The following UEVLD variants were observed in gnomAD, a reference collection of about 807,000 sequenced individuals.
UEVLD encodes the protein ubiquitin-conjugating enzyme E2 variant 3.
Under a neutral mutation model 58.6 loss-of-function variants are expected in UEVLD, and 47 were observed. The observed-to-expected ratio is 0.80, with a 90% CI of 0.63 to 1.02. The LOEUF is 1.02. Among genes scored for constraint, UEVLD ranks in the 50% least tolerant of loss-of-function variants. The pLI, the probability that UEVLD is intolerant of heterozygous loss-of-function variation, is 0.00. For missense variants in UEVLD, 510 were observed against 550.6 expected, an observed-to-expected ratio of 0.93 and a Z score of 0.74; for synonymous variants, 197 against 195.3, an observed-to-expected ratio of 1.01 and a Z score of -0.07.
chr11:18,544,828 A>T, intron 8 of UEVLD, 32 bp from the exon 9 acceptor site: 1 of 1,476,798 alleles, frequency 6.8e-7, no homozygotes, highest in Non-Finnish European at 9.0e-7. Context: ...AAAAATGTAA[A>T]GGTTAAAAAA....
chr11:18,546,119 A>T (rs2133977482), intron 8 of UEVLD, among the ~76,000 whole-genome samples: 2 of 152,292 alleles, frequency 1.3e-5, no homozygotes, highest in South Asian at 4.1e-4. Flanking sequence ...AGCCCAGTAC[A>T]AACTAACTCT....
At chr11:18,558,647 G>A (rs117791292) in intron 6 of UEVLD, among the ~76,000 whole-genome samples, 1,951 of 151,946 alleles carry the variant, frequency 0.013, 18 homozygotes, top group Non-Finnish European at 0.021. Context: ...AGCCAGGCAT[G>A]GTGGCACATG....
At chr11:18,554,169 G>A (rs1204365153) in intron 7 of UEVLD, among the ~76,000 whole-genome samples, 2 of 151,998 alleles carry the variant, frequency 1.3e-5, no homozygotes, top group East Asian at 3.9e-4. Flanking sequence ...TCGGCTCAAT[G>A]CAACCTCTTC....
At chr11:18,548,646 C>T (rs1490995967) in intron 7 of UEVLD, among the ~76,000 whole-genome samples, 1 of 152,158 alleles carries the variant, frequency 6.6e-6, no homozygotes, top group East Asian at 1.9e-4. Flanking sequence ...AGGTTGGTCT[C>T]GAACTCCCAA....
At chr11:18,566,056 G>A (rs569942290) in intron 5 of UEVLD, among the ~76,000 whole-genome samples, 2 of 151,496 alleles carry the variant, frequency 1.3e-5, no homozygotes, top group East Asian at 3.9e-4. Flanking sequence ...CTGCCACCAC[G>A]CCCAGCTACT....
intron 1 of UEVLD, among the ~76,000 whole-genome samples, chr11:18,580,621 T>C (rs1274335354): frequency 6.8e-6 from 1 of 146,254 alleles, no homozygotes; most frequent in East Asian, 1.9e-4. Flanking sequence ...TGCCTGCCTC[T>C]GGTCTTGGAC....
rs540034170 is a variant in UEVLD, at chr11:18,581,487, C to T, written c.43-2679G>A. ...TCACTTGAGGTCAGGAGTTCGAGAA[C>T]AGACAGGCCAACATGGTGAAATCCC... On this transcript the variant is annotated intron_variant, in intron 1 of 11. Coordinates refer to ENST00000396197, the MANE Select transcript of UEVLD (RefSeq NM_001040697.4). 2.6e-5 allele frequency among the ~76,000 whole-genome samples: 4 copies of T among 152,122 alleles called. No homozygotes were observed. The East Asian group carries it at 7.7e-4, about 29-fold the overall frequency.
chr11:18,532,026 G>T lies in UEVLD; in HGVS notation c.*294C>A. 1 of 193,968 alleles carries T rather than the reference G, an allele frequency of 5.2e-6. No homozygotes were observed. The highest frequency in any genetic ancestry group is 1.0e-5 in the Non-Finnish European group (1 of 96,494). 12.0% of individuals were successfully genotyped at this position (193,968 alleles called of 1,614,324 possible). On this transcript the variant is annotated 3_prime_UTR_variant, in exon 12 of 12. Transcript: ENST00000396197. ...TCCCGAAGTATGAATTGTGCTTTTA[G>T]TTTAGGATATATGATTTAAATTGAT... is the stretch of plus-strand genomic sequence containing the variant.
rs1409636332 is a variant in UEVLD, at chr11:18,544,652, C to T, written c.1031G>A (p.Trp344Ter). The T allele has an allele frequency of 6.3e-7, 1 of 1,595,332 alleles. No homozygotes were observed. The highest frequency in any genetic ancestry group is 8.5e-7 in the Non-Finnish European group (1 of 1,173,848). ...GTCTTCTCCTTGCTCGCCAATAACC[C>T]ATACTTCTTTGCCTGAAGTCTGTGC... ...LKAQTSGKEV[W>*]VIGEQGEDKV... The change falls in exon 9 of 12, where the codon TGG (tryptophan) becomes TAG (stop). Residue 344 changes from tryptophan (W) to a stop codon, truncating the protein, a stop_gained. Coordinates refer to ENST00000396197, the MANE Select transcript of UEVLD (RefSeq NM_001040697.4). LOFTEE classifies it high-confidence loss of function.
chr11:18,563,638 C>A (rs1852148281), intron 6 of UEVLD: 6 of 967,102 alleles, frequency 6.2e-6, no homozygotes, highest in Non-Finnish European at 7.4e-6. Flanking sequence ...GATGAGAAAA[C>A]AAGCAACTTG....
chr11:18,574,692 C>A (rs904885938), intron 3 of UEVLD, among the ~76,000 whole-genome samples: 3 of 152,142 alleles, frequency 2.0e-5, no homozygotes, highest in Non-Finnish European at 4.4e-5. Flanking sequence ...TGCTAGGTCA[C>A]TCTAAAATGT....
chr11:18,558,495 A>G (rs1394875310), intron 6 of UEVLD, among the ~76,000 whole-genome samples, 165 bp from the exon 7 acceptor site: 1 of 152,170 alleles, frequency 6.6e-6, no homozygotes, highest in Non-Finnish European at 1.5e-5. Context: ...GCAAGCAAGA[A>G]ATTATTAACT....
intron 6 of UEVLD, among the ~76,000 whole-genome samples, chr11:18,564,658 T>C (rs1285760987): frequency 6.6e-6 from 1 of 152,224 alleles, no homozygotes; most frequent in Non-Finnish European, 1.5e-5. Flanking sequence ...CAAATTGAGC[T>C]TTCCCTTGGA....
intron 2 of UEVLD, among the ~76,000 whole-genome samples, chr11:18,577,112 G>A (rs930910020): frequency 1.3e-5 from 2 of 152,194 alleles, no homozygotes; most frequent in Admixed American, 6.5e-5. Flanking sequence ...GAACCTGGAA[G>A]GGGGAGGTTG....
In UEVLD at chr11:18,555,355, G is replaced by A. The variant is rs1028976261; in HGVS notation, c.715+2873C>T. 3.9e-5 allele frequency among the ~76,000 whole-genome samples: 6 copies of A among 152,102 alleles called. No individual in the cohort carries two copies. The East Asian group carries it at 1.2e-3, about 29-fold the overall frequency. The stretch of plus-strand genomic sequence containing the variant: ...GCGGGAGAATGGTGTGAACCCGGGA[G>A]GTGGAGCTTGCAGTGAGCCGAGATC... On this transcript the variant is annotated intron_variant, in intron 7 of 11. Transcript: ENST00000396197.
rs59340537 is a variant in UEVLD at position 18,539,074 on chromosome 11, GTT to G, written c.1061-2607_1061-2606del. Reference sequence around the variant, plus strand: ...AAGAAAAACAGAAAAAGTTTTATAAGTTTTTTTTTTTTTTTTTTTTTGAGACA... The same window carrying G: ...AAGAAAAACAGAAAAAGTTTTATAAGTTTTTTTTTTTTTTTTTTTGAGACA... On this transcript the variant is annotated intron_variant, in intron 9 of 11. Transcript: ENST00000396197. 305 of 71,378 alleles carry G rather than the reference GTT, an allele frequency of 4.3e-3. 2 individuals carry two copies. The highest frequency in any genetic ancestry group is 0.016 in the East Asian group (40 of 2,436). The allele number at this position is 71,378 out of a possible 1,614,324, so 4.4% of individuals were successfully genotyped here. A position where few individuals can be genotyped will look rare whatever the true frequency, so the allele number is the denominator to read the frequency against.
intron 6 of UEVLD, among the ~76,000 whole-genome samples, chr11:18,560,089 C>CTACACACACA (rs1851943585): frequency 2.9e-5 from 1 of 34,176 alleles, no homozygotes; most frequent in Non-Finnish European, 8.2e-5. Context: ...AACCCCGTCT[C>CTACACACACA]TACACACACA....
intron 7 of UEVLD, among the ~76,000 whole-genome samples, chr11:18,552,884 G>T (rs7483340): frequency 0.2 from 30,574 of 151,508 alleles, 3,194 homozygotes; most frequent in East Asian, 0.25. Flanking sequence ...GGCTGGGCGT[G>T]GTGGCTCACC....
chr11:18,533,864 G>C (rs919448920), intron 11 of UEVLD, among the ~76,000 whole-genome samples: 1 of 152,134 alleles, frequency 6.6e-6, no homozygotes, highest in African/African-American at 2.4e-5. Context: ...ATGTTAGCCA[G>C]GCTGGTCTCA....
Sources: allele counts gnomAD v4.1 joint callset (sites outside exome capture counted in the v4.1 genomes callset), GRCh38; gene constraint gnomAD v4.1.1; transcripts MANE v1.5; gene names NCBI Gene and HGNC (gene_info 2026-07-23, HGNC 2026-07-21).